The following CELF4 variants were observed in gnomAD, a reference collection of about 807,000 sequenced individuals.
CELF4 encodes the protein CUG-BP- and ETR-3-like factor 4.
In CELF4, 18 loss-of-function variants were observed where a neutral mutation model predicts 59.9. The observed-to-expected ratio is 0.30, with a 90% CI of 0.21 to 0.45. The LOEUF (loss-of-function observed/expected upper bound fraction) is 0.45, where lower values mean the gene tolerates loss of function less well. Among genes scored for constraint, CELF4 ranks in the 20% least tolerant of loss-of-function variants. The pLI, the probability that CELF4 is intolerant of heterozygous loss-of-function variation, is 1.00. For synonymous variants in CELF4, 261 were observed against 267.1 expected (o/e 0.98, Z 0.22); for missense variants, 456 against 689.0 (o/e 0.66, Z 3.79).
chr18:37,344,525 A>G (rs1452332542), intron 2 of CELF4, among the ~76,000 whole-genome samples: 2 of 152,266 alleles, frequency 1.3e-5, no homozygotes. Context: ...CCTTGGCTAT[A>G]GCAAGAGAAA....
chr18:37,441,566 C>T (rs1480978105), intron 2 of CELF4, among the ~76,000 whole-genome samples: 8 of 152,120 alleles, frequency 5.3e-5, no homozygotes, highest in African/African-American at 7.2e-5. Flanking sequence ...GGTTTGGCTG[C>T]GGCAGCCTAG....
chr18:37,464,301 T>C (rs1048718074), intron 2 of CELF4, among the ~76,000 whole-genome samples: 4 of 152,180 alleles, frequency 2.6e-5, no homozygotes, highest in Non-Finnish European at 4.4e-5. Context: ...GAGTGAAATG[T>C]AGATCGCATC....
At position 37,551,679 on chromosome 18, in the gene CELF4, C is replaced by G. The variant is rs540493473; in HGVS notation, c.286+13677G>C. Among the ~76,000 whole-genome samples the G allele has an allele frequency of 1.7e-3, 256 of 152,310 alleles. 1 individual carries two copies. The highest frequency in any genetic ancestry group is 5.6e-3 in the African/African-American group (233 of 41,572). The stretch of plus-strand genomic sequence containing the variant: ...ACAATCTGAATGCCTGCCTTGGTGA[C>G]AGCAAACATGGCCACGGGTTTAAAT... On this transcript the variant is annotated intron_variant, in intron 1 of 12. Coordinates refer to ENST00000420428, the MANE Select transcript of CELF4 (RefSeq NM_020180.4).
intron 1 of CELF4, among the ~76,000 whole-genome samples, chr18:37,537,102 C>T (rs1185157165): frequency 2.6e-5 from 4 of 152,208 alleles, no homozygotes; most frequent in Admixed American, 6.5e-5. Context: ...TCTGTGCCCT[C>T]GCCTCTTTGT....
At chr18:37,484,007 C>A (rs550657125) in intron 2 of CELF4, among the ~76,000 whole-genome samples, 1 of 152,242 alleles carries the variant, frequency 6.6e-6, no homozygotes, top group South Asian at 2.1e-4. Context: ...CCAGCCTCTC[C>A]CCTTTCAAAA....
chr18:37,454,075 C>T (rs993575585), intron 2 of CELF4, among the ~76,000 whole-genome samples: 4 of 152,250 alleles, frequency 2.6e-5, no homozygotes, highest in Admixed American at 1.3e-4. Context: ...AGCAAAAAAC[C>T]CCTATTGCCT....
intron 1 of CELF4, among the ~76,000 whole-genome samples, chr18:37,563,729 C>T (rs2099987274): frequency 6.6e-6 from 1 of 152,048 alleles, no homozygotes; most frequent in Non-Finnish European, 1.5e-5. Context: ...CCCACCCTCA[C>T]CCCACCCCAA....
intron 2 of CELF4, among the ~76,000 whole-genome samples, chr18:37,372,195 G>A (rs371173810): frequency 1.5e-4 from 23 of 152,200 alleles, no homozygotes; most frequent in East Asian, 1.4e-3. Flanking sequence ...TGTTTATTGC[G>A]GCACTATTCA....
intron 3 of CELF4, among the ~76,000 whole-genome samples, chr18:37,302,218 C>T (rs1375773907): frequency 1.3e-5 from 2 of 152,172 alleles, no homozygotes; most frequent in East Asian, 3.9e-4. Context: ...CTGTCCAATG[C>T]CCCACCTCAT....
chr18:37,503,579 A>C (rs1030953961), intron 1 of CELF4, among the ~76,000 whole-genome samples: 6 of 152,212 alleles, frequency 3.9e-5, no homozygotes, highest in Non-Finnish European at 8.8e-5. Flanking sequence ...CAGAATGCTT[A>C]GCATCTGTTT....
chr18:37,494,799 G>A (rs576589616), intron 1 of CELF4, among the ~76,000 whole-genome samples: 18 of 152,118 alleles, frequency 1.2e-4, no homozygotes, highest in African/African-American at 2.2e-4. Context: ...GTGTGAGGAC[G>A]GGCCATGCTC....
At chr18:37,428,590 C>A (rs770864489) in intron 2 of CELF4, among the ~76,000 whole-genome samples, 2 of 152,162 alleles carry the variant, frequency 1.3e-5, no homozygotes, top group Non-Finnish European at 2.9e-5. Context: ...ACACAAAAGC[C>A]TTTGACAGGA....
chr18:37,443,959 C>T (rs775506536), intron 2 of CELF4, among the ~76,000 whole-genome samples: 1 of 152,154 alleles, frequency 6.6e-6, no homozygotes, highest in Admixed American at 6.5e-5. Flanking sequence ...ATGGGCCTGA[C>T]GTGTATCTGT....
chr18:37,387,409 G>T (rs964889739), intron 2 of CELF4, among the ~76,000 whole-genome samples: 33 of 152,198 alleles, frequency 2.2e-4, no homozygotes, highest in African/African-American at 7.5e-4. Context: ...AGAACCACAC[G>T]CAGCCAACTG....
At chr18:37,535,388 A>G (rs549354331) in intron 1 of CELF4, among the ~76,000 whole-genome samples, 1 of 152,308 alleles carries the variant, frequency 6.6e-6, no homozygotes, top group African/African-American at 2.4e-5. Flanking sequence ...TCTGAAGACA[A>G]TTGCTCCTGT....
intron 2 of CELF4, among the ~76,000 whole-genome samples, chr18:37,325,162 G>A (rs1005353717): frequency 2.8e-5 from 4 of 140,896 alleles, no homozygotes; most frequent in South Asian, 2.7e-4. Context: ...CTGTCCCAAC[G>A]GGGGAGTGAG....
chr18:37,514,601 G>T (rs1433688084), intron 1 of CELF4, among the ~76,000 whole-genome samples: 1 of 152,098 alleles, frequency 6.6e-6, no homozygotes, highest in Admixed American at 6.5e-5. Flanking sequence ...TTGAGCTCCC[G>T]GTCCCAAGCC....
intron 2 of CELF4, among the ~76,000 whole-genome samples, chr18:37,439,930 C>A (rs2099707111): frequency 6.6e-6 from 1 of 152,166 alleles, no homozygotes; most frequent in African/African-American, 2.4e-5. Context: ...TAGACATGAA[C>A]ACTACAGGGT....
intron 2 of CELF4, among the ~76,000 whole-genome samples, chr18:37,386,086 AGAT>A (rs1211009914): frequency 1.3e-5 from 2 of 152,158 alleles, no homozygotes; most frequent in East Asian, 3.9e-4. Flanking sequence ...TATTACCTGG[AGAT>A]GATGAATGAA....
Sources: gnomAD v4.1 joint callset for allele counts (sites outside exome capture counted in the v4.1 genomes callset) on GRCh38, gnomAD v4.1.1 for gene constraint, MANE v1.5 for transcripts, NCBI Gene and HGNC (gene_info 2026-07-23, HGNC 2026-07-21) for gene names.